Variants in TATDN3 observed in about 807,000 individuals in gnomAD.
The protein encoded by TATDN3 is TatD DNase domain containing 3.
Under a neutral mutation model 40.1 loss-of-function variants are expected in TATDN3, and 29 were observed. The ratio of observed to expected loss-of-function variants is 0.72; its 90% CI spans 0.54 to 0.99. The LOEUF is 0.99. Among genes scored for constraint, TATDN3 ranks in the 50% least tolerant of loss-of-function variants. The pLI, the probability that TATDN3 is intolerant of heterozygous loss-of-function variation, is 0.00. For missense variants in TATDN3, 309 were observed against 321.9 expected (o/e 0.96, Z 0.31); for synonymous variants, 105 against 117.0 (o/e 0.90, Z 0.66).
At chr1:212,796,994 C>T in intron 3 of TATDN3, 118 bp from the exon 4 acceptor site, 2 of 745,992 alleles carry the variant, frequency 2.7e-6, no homozygotes, top group Non-Finnish European at 4.6e-6. Context: ...GTTCAGCCTC[C>T]CAAAGTGCTG....
intron 1 of TATDN3, chr1:212,792,834 C>T (rs12064985): frequency 0.3 from 44,842 of 151,802 alleles, 8,390 homozygotes; most frequent in Non-Finnish European, 0.4. Flanking sequence ...ATAATACACA[C>T]GTAAAATCAG....
chr1:212,791,979 T>C lies in TATDN3; in HGVS notation c.58T>C (p.Phe20Leu). Residue 20 changes from phenylalanine (F) to leucine (L), a missense_variant, in exon 1 of 10, where the codon TTT becomes CTT. Transcript: ENST00000366974. ...TCACTGCCACCTCTCCGCCCCGGAC[T>C]TTGACCGCGTATGTGAGGGCGATAC... The part of the protein sequence containing the change: ...DCHCHLSAPD[F>L]DRDLDDVLEK... 6.2e-7 allele frequency: 1 copy of C among 1,614,000 alleles called. No homozygotes were observed.
intron 7 of TATDN3, among the ~76,000 whole-genome samples, chr1:212,805,768 A>C (rs546885311): frequency 6.6e-6 from 1 of 152,308 alleles, no homozygotes; most frequent in South Asian, 2.1e-4. Flanking sequence ...CCTAAAGTAA[A>C]ATTACATCTT....
chr1:212,794,770 GA>G, intron 1 of TATDN3: 1 of 501,064 alleles, frequency 2.0e-6, no homozygotes, highest in South Asian at 1.5e-5. Context: ...TTGCAGAAGT[GA>G]AGGGTGGAAA....
intron 9 of TATDN3, among the ~76,000 whole-genome samples, 168 bp from the exon 10 acceptor site, chr1:212,814,845 C>T (rs1270489556): frequency 6.6e-6 from 1 of 152,194 alleles, no homozygotes; most frequent in Admixed American, 6.5e-5. Context: ...TTACAATCAA[C>T]ATTGCAGCCA....
At chr1:212,801,605 G>A (rs534188258) in intron 4 of TATDN3, among the ~76,000 whole-genome samples, 1 of 152,198 alleles carries the variant, frequency 6.6e-6, no homozygotes, top group East Asian at 1.9e-4. Context: ...GACATTTCCT[G>A]GGTGATTTCT....
chr1:212,799,054 G>A (rs79719143), intron 4 of TATDN3, among the ~76,000 whole-genome samples: 3,468 of 152,320 alleles, frequency 0.023, 63 homozygotes, highest in South Asian at 0.042. Flanking sequence ...AGGGTGTTAT[G>A]TGCAAAGGAA....
chr1:212,792,616 CAGTG>C (rs1370466261), intron 1 of TATDN3, among the ~76,000 whole-genome samples: 1 of 111,304 alleles, frequency 9.0e-6, no homozygotes, highest in Non-Finnish European at 1.7e-5. Context: ...GCCTGGGTAA[CAGTG>C]AGACCCTGTC....
At chr1:212,808,493 A>G (rs1032626424) in intron 8 of TATDN3, among the ~76,000 whole-genome samples, 1 of 152,140 alleles carries the variant, frequency 6.6e-6, no homozygotes, top group African/African-American at 2.4e-5. Context: ...AAGACTTATA[A>G]TTCAAAGCAC....
intron 8 of TATDN3, among the ~76,000 whole-genome samples, chr1:212,811,133 C>T (rs12129933): frequency 0.18 from 27,547 of 151,738 alleles, 2,792 homozygotes; most frequent in African/African-American, 0.28. Flanking sequence ...CAGGCGTGTA[C>T]CACAATGCCT....
intron 6 of TATDN3, 61 bp from the exon 7 acceptor site, chr1:212,804,535 A>G (rs1013206047): frequency 1.3e-6 from 2 of 1,578,456 alleles, no homozygotes; most frequent in South Asian, 1.1e-5. Flanking sequence ...AACTACTTTA[A>G]TAGATCAAAA....
chr1:212,797,005 G>A, intron 3 of TATDN3, 107 bp from the exon 4 acceptor site: 2 of 826,112 alleles, frequency 2.4e-6, no homozygotes, highest in Non-Finnish European at 4.0e-6. Flanking sequence ...CAAAGTGCTG[G>A]AATTACAGAC....
At position 212,791,945 on chromosome 1, in the gene TATDN3, G is replaced by A. The variant is rs200093236; in HGVS notation, c.24G>A (p.Leu8=). 1.3e-5 allele frequency: 21 copies of A among 1,613,804 alleles called. No individual in the cohort carries two copies. In the East Asian group the frequency reaches 4.7e-4, roughly 36 times the overall value. Residue 8 remains leucine (L), a synonymous_variant, in exon 1 of 10, where the codon TTG becomes TTA. Transcript: ENST00000366974. ...CAATGCGAGCGGCTGGCGTAGGCTT[G>A]GTGGACTGTCACTGCCACCTCTCCG... MRAAGVG[L]VDCHCHLSAP...
intron 5 of TATDN3, among the ~76,000 whole-genome samples, chr1:212,804,039 A>C (rs1040396983): frequency 1.3e-5 from 2 of 151,774 alleles, no homozygotes; most frequent in African/African-American, 4.8e-5. Flanking sequence ...CCGTCTCAAC[A>C]AAACAAACAA....
intron 9 of TATDN3, among the ~76,000 whole-genome samples, chr1:212,814,071 C>G (rs1295387154): frequency 6.6e-6 from 1 of 151,994 alleles, no homozygotes; most frequent in Non-Finnish European, 1.5e-5. Context: ...CCTCCCACCT[C>G]GGCCTTCCTA....
chr1:212,806,730 C>A (rs1162180061), intron 7 of TATDN3, among the ~76,000 whole-genome samples: 6 of 107,006 alleles, frequency 5.6e-5, no homozygotes, highest in Non-Finnish European at 1.1e-4. Flanking sequence ...AATTTATTCT[C>A]TCTCTCTCTC....
At chr1:212,804,256 C>T in intron 5 of TATDN3, 64 bp from the exon 6 acceptor site, 1 of 1,162,502 alleles carries the variant, frequency 8.6e-7, no homozygotes, top group Non-Finnish European at 1.3e-6. Flanking sequence ...TAGCATCAAT[C>T]CAAAGATCTC....
chr1:212,796,685 A>G, intron 3 of TATDN3, 95 bp downstream of exon 3: 2 of 877,640 alleles, frequency 2.3e-6, no homozygotes, highest in Non-Finnish European at 3.4e-6. Flanking sequence ...TAAAGAGAAT[A>G]AAGAGGAAAA....
intron 6 of TATDN3, 53 bp downstream of exon 6, chr1:212,804,482 T>C: frequency 1.3e-6 from 2 of 1,557,962 alleles, no homozygotes; most frequent in Non-Finnish European, 1.8e-6. Context: ...TAAATAATGA[T>C]CAGAGTTCTC....
Sources: allele counts gnomAD v4.1 joint callset (sites outside exome capture counted in the v4.1 genomes callset), GRCh38; gene constraint gnomAD v4.1.1; transcripts MANE v1.5; gene names NCBI Gene and HGNC (gene_info 2026-07-23, HGNC 2026-07-21).